Variants in CNBD1 observed in about 807,000 individuals in gnomAD.
CNBD1 encodes the protein cyclic nucleotide binding domain containing 1, also known as cyclic nucleotide-binding domain-containing protein 1.
CNBD1 carries 71 observed loss-of-function variants against 54.4 expected under a neutral mutation model. The ratio of observed to expected loss-of-function variants is 1.30; its 90% confidence interval spans 1.08 to 1.59. CNBD1 has a LOEUF of 1.59. CNBD1 is among the 40% of genes most tolerant of loss of function. The probability of loss-of-function intolerance (pLI) is 0.00; values close to 1 mark genes in which losing one functional copy is unlikely to be tolerated. For missense variants in CNBD1, 659 were observed against 518.0 expected (o/e 1.27, Z -2.64); for synonymous variants, 182 against 170.7 (o/e 1.07, Z -0.51).
At chr8:87,416,772 A>T (rs960319159) in intron 2 of CNBD1, among the ~76,000 whole-genome samples, 12 of 151,162 alleles carry the variant, frequency 7.9e-5, no homozygotes, top group Admixed American at 7.9e-4. Flanking sequence ...GATAATAGGG[A>T]ACATTTTCCA....
At chr8:87,409,103 CG>C (rs1410748169) in intron 2 of CNBD1, among the ~76,000 whole-genome samples, 21 of 152,084 alleles carry the variant, frequency 1.4e-4, no homozygotes, top group African/African-American at 5.1e-4. Context: ...GAAGGCATGT[CG>C]AAAGCTGAGA....
chr8:87,219,238 A>G (rs1563511546), intron 5 of CNBD1, among the ~76,000 whole-genome samples: 2 of 152,106 alleles, frequency 1.3e-5, no homozygotes, highest in Non-Finnish European at 2.9e-5. Flanking sequence ...AAATTCAGTA[A>G]GTACTTCAAA....
chr8:87,068,207 C>A (rs1382342053), intron 4 of CNBD1, among the ~76,000 whole-genome samples: 1 of 151,994 alleles, frequency 6.6e-6, no homozygotes, highest in Non-Finnish European at 1.5e-5. Context: ...TTATCTTACT[C>A]ATCAAATTCT....
rs528549157 is a variant in CNBD1 at position 87,149,514 on chromosome 8, A to G, written c.432-56479A>G. On this transcript the variant is annotated intron_variant, in intron 4 of 10. Transcript: ENST00000518476. ...GTATGTGTGTTGGAAATCCAAGGGT[A>G]GAATATCCATCATAGTGTCTGCCAT... 9.2e-5 allele frequency among the ~76,000 whole-genome samples: 14 copies of G among 152,316 alleles called. No individual in the cohort carries two copies. In the Middle Eastern group the frequency reaches 0.01, roughly 111 times the overall value.
At chr8:87,115,208 A>T (rs1158788539) in intron 4 of CNBD1, among the ~76,000 whole-genome samples, 1 of 152,210 alleles carries the variant, frequency 6.6e-6, no homozygotes, top group Middle Eastern at 3.2e-3. Context: ...CAGGCAAATA[A>T]CCTTTTTTCA....
chr8:87,204,533 T>C (rs1813928886), intron 4 of CNBD1, among the ~76,000 whole-genome samples: 1 of 152,148 alleles, frequency 6.6e-6, no homozygotes, highest in Non-Finnish European at 1.5e-5. Context: ...CCCTTTCATT[T>C]ATACTTGAAA....
intron 4 of CNBD1, among the ~76,000 whole-genome samples, chr8:86,970,095 T>A (rs1808187044): frequency 6.6e-6 from 1 of 152,148 alleles, no homozygotes; most frequent in African/African-American, 2.4e-5. Context: ...GTCATTTTTA[T>A]TTACAACTAT....
intron 4 of CNBD1, among the ~76,000 whole-genome samples, chr8:87,034,650 A>G (rs1428033202): frequency 6.6e-6 from 1 of 152,206 alleles, no homozygotes; most frequent in Non-Finnish European, 1.5e-5. Flanking sequence ...AAATGATAAC[A>G]TAGACTCGTA....
chr8:87,222,167 T>G (rs920737234), intron 5 of CNBD1, among the ~76,000 whole-genome samples: 4 of 152,074 alleles, frequency 2.6e-5, no homozygotes, highest in Admixed American at 1.3e-4. Context: ...GAGAAGAAAA[T>G]TGACCATCAT....
At chr8:87,112,508 C>T (rs539449908) in intron 4 of CNBD1, among the ~76,000 whole-genome samples, 3 of 152,288 alleles carry the variant, frequency 2.0e-5, no homozygotes, top group African/African-American at 7.2e-5. Flanking sequence ...GATTTCCACA[C>T]TTTGCTTCAT....
intron 4 of CNBD1, among the ~76,000 whole-genome samples, chr8:87,024,095 C>T (rs1302919337): frequency 1.3e-5 from 2 of 151,254 alleles, no homozygotes; most frequent in African/African-American, 4.8e-5. Flanking sequence ...AAAAATTAGC[C>T]TGACCTGGTG....
chr8:87,273,538 A>T (rs887015857), intron 6 of CNBD1, among the ~76,000 whole-genome samples: 3 of 152,034 alleles, frequency 2.0e-5, no homozygotes, highest in Non-Finnish European at 4.4e-5. Context: ...TTATCAGCCA[A>T]ACTGTGCTCT....
At chr8:87,308,859 G>GTGTA (rs1809208895) in intron 8 of CNBD1, among the ~76,000 whole-genome samples, 1 of 152,034 alleles carries the variant, frequency 6.6e-6, no homozygotes. Context: ...TTATGTGCCT[G>GTGTA]TCTTATTTCA....
chr8:86,873,487 C>T (rs1305614514), intron 1 of CNBD1, among the ~76,000 whole-genome samples: 1 of 151,980 alleles, frequency 6.6e-6, no homozygotes, highest in Non-Finnish European at 1.5e-5. Context: ...TAACTGGTAT[C>T]TTTACAATGC....
intron 4 of CNBD1, among the ~76,000 whole-genome samples, chr8:86,967,441 C>T (rs1185362594): frequency 6.6e-6 from 1 of 152,212 alleles, no homozygotes; most frequent in East Asian, 1.9e-4. Context: ...GAGCTCTGGT[C>T]CCAACTCAGA....
intron 6 of CNBD1, among the ~76,000 whole-genome samples, chr8:87,253,699 A>G (rs998405247): frequency 6.6e-6 from 1 of 152,176 alleles, no homozygotes; most frequent in South Asian, 2.1e-4. Context: ...ACAAACTAGA[A>G]CTAGGGAGAA....
chr8:87,092,652 ATC>A (rs1406668351), intron 4 of CNBD1, among the ~76,000 whole-genome samples: 1 of 151,762 alleles, frequency 6.6e-6, no homozygotes, highest in African/African-American at 2.4e-5. Context: ...CTCTTCCTGT[ATC>A]TGACTGCTAA....
chr8:87,277,058 A>T (rs994456604), intron 6 of CNBD1, among the ~76,000 whole-genome samples: 5 of 147,780 alleles, frequency 3.4e-5, no homozygotes, highest in Admixed American at 2.7e-4. Context: ...GTGCTGAATC[A>T]TGATGGGTCA....
At chr8:87,255,780 G>T (rs1807996216) in intron 6 of CNBD1, among the ~76,000 whole-genome samples, 2 of 150,614 alleles carry the variant, frequency 1.3e-5, no homozygotes, top group Admixed American at 1.3e-4. Context: ...AGCCTTCTGG[G>T]TCTCATTTTT....
Sources: gnomAD v4.1 joint callset for allele counts (sites outside exome capture counted in the v4.1 genomes callset) on GRCh38, gnomAD v4.1.1 for gene constraint, MANE v1.5 for transcripts, NCBI Gene and HGNC (gene_info 2026-07-23, HGNC 2026-07-21) for gene names.